The following C12orf42 variants were observed in gnomAD, a reference collection of about 807,000 sequenced individuals.
C12orf42 encodes the protein chromosome 12 open reading frame 42.
C12orf42 carries 25 observed loss-of-function variants against 21.6 expected under a neutral mutation model. That is an observed-to-expected ratio of 1.16 (90% CI 0.84 to 1.62). C12orf42 has a LOEUF of 1.62. Among genes scored for constraint, C12orf42 ranks in the 40% most tolerant of loss-of-function variants. C12orf42 has a pLI of 0.00. For synonymous variants in C12orf42, 174 were observed against 175.0 expected (o/e 0.99, Z 0.05); for missense variants, 483 against 459.3 (o/e 1.05, Z -0.47).
chr12:103,107,579 T>C, the C12orf42 span, among the ~76,000 whole-genome samples: 1 of 151,916 alleles, frequency 6.6e-6, no homozygotes, highest in African/African-American at 2.4e-5. Context: ...AGATAAGCAC[T>C]ACCTTTTAAA....
chr12:103,367,763 AT>A (rs1278143853), intron 4 of C12orf42, among the ~76,000 whole-genome samples: 1 of 151,962 alleles, frequency 6.6e-6, no homozygotes, highest in Non-Finnish European at 1.5e-5. Context: ...ATGTAAATGT[AT>A]TATCCCCCCC....
chr12:103,127,494 G>T, the C12orf42 span, among the ~76,000 whole-genome samples: 1 of 152,124 alleles, frequency 6.6e-6, no homozygotes, highest in Non-Finnish European at 1.5e-5. Flanking sequence ...AATGAAAATA[G>T]AAGTGTGTGT....
At chr12:103,426,078 C>G (rs571299466) in intron 2 of C12orf42, among the ~76,000 whole-genome samples, 1 of 152,296 alleles carries the variant, frequency 6.6e-6, no homozygotes, top group East Asian at 1.9e-4. Flanking sequence ...AACTCCTTGT[C>G]AGCAAGGGAA....
At chr12:103,416,771 C>G (rs1464551890) in intron 2 of C12orf42, among the ~76,000 whole-genome samples, 2 of 152,120 alleles carry the variant, frequency 1.3e-5, no homozygotes, top group Non-Finnish European at 2.9e-5. Context: ...TCTTTCAACT[C>G]AATGACCTTG....
At chr12:103,066,816 G>C in the C12orf42 span, among the ~76,000 whole-genome samples, 1,849 of 152,298 alleles carry the variant, frequency 0.012, 20 homozygotes, top group Non-Finnish European at 0.019. Context: ...TATCCCATGT[G>C]AGTTCTCACC....
chr12:103,475,623 A>G (rs188032869), intron 2 of C12orf42, among the ~76,000 whole-genome samples: 18 of 152,328 alleles, frequency 1.2e-4, no homozygotes, highest in Admixed American at 9.8e-4. Context: ...GCAAAGGAAG[A>G]TGTTCATTAG....
chr12:103,491,084 A>G (rs1240179563), intron 1 of C12orf42, among the ~76,000 whole-genome samples: 3 of 152,180 alleles, frequency 2.0e-5, no homozygotes, highest in Non-Finnish European at 4.4e-5. Context: ...TTAAATTTCT[A>G]TAATGTGGAA....
intron 2 of C12orf42, among the ~76,000 whole-genome samples, chr12:103,440,457 C>CAAAAAAAAAAAAAAAAAAAAAAAAAA: frequency 1.4e-5 from 1 of 69,666 alleles, no homozygotes; most frequent in Admixed American, 2.1e-4. Context: ...TCACAGATAC[C>CAAAAAAAAAAAAAAAAAAAAAAAAAA]AAAAAAAAAA....
At chr12:103,462,349 G>C (rs1952794479) in intron 2 of C12orf42, among the ~76,000 whole-genome samples, 1 of 151,804 alleles carries the variant, frequency 6.6e-6, no homozygotes, top group Non-Finnish European at 1.5e-5. Context: ...GACCTCAGGT[G>C]ATCCACCCAC....
At chr12:103,495,678 G>A (rs1221843764) in intron 1 of C12orf42, 2 of 151,986 alleles carry the variant, frequency 1.3e-5, no homozygotes, top group Non-Finnish European at 2.9e-5. Flanking sequence ...GGCGGGGGAG[G>A]AGAGCTCCTT....
the C12orf42 span, among the ~76,000 whole-genome samples, chr12:103,159,798 C>T: frequency 6.6e-6 from 1 of 152,182 alleles, no homozygotes. Context: ...ATCATCTCTC[C>T]AACTCTTTGA....
At chr12:103,511,995 A>G in the C12orf42 span, among the ~76,000 whole-genome samples, 2 of 152,184 alleles carry the variant, frequency 1.3e-5, no homozygotes, top group African/African-American at 4.8e-5. Flanking sequence ...CTCTCCCTAG[A>G]AGGCAGTTGG....
the C12orf42 span, among the ~76,000 whole-genome samples, chr12:103,217,761 A>C: frequency 1.1e-4 from 16 of 152,070 alleles, no homozygotes; most frequent in South Asian, 2.1e-4. Context: ...ATTCCTCTCT[A>C]TATATAGTTA....
chr12:103,506,989 AAATAT>A, the C12orf42 span, among the ~76,000 whole-genome samples: 1 of 1,692 alleles, frequency 5.9e-4, no homozygotes, highest in Non-Finnish European at 9.1e-4. Context: ...TATATTATAT[AAATAT>A]AATATATATA....
chr12:103,395,336 C>CTTT (rs35914185), intron 3 of C12orf42, among the ~76,000 whole-genome samples: 1 of 138,318 alleles, frequency 7.2e-6, no homozygotes, highest in African/African-American at 2.7e-5. Flanking sequence ...ACCCATTATT[C>CTTT]TTTTTTTTTT....
At chr12:103,537,468 C>T in the C12orf42 span, among the ~76,000 whole-genome samples, 4 of 152,146 alleles carry the variant, frequency 2.6e-5, no homozygotes, top group Admixed American at 6.5e-5. Flanking sequence ...AGCTGGCTGA[C>T]ACCAAGAAAG....
intron 10 of C12orf42, among the ~76,000 whole-genome samples, chr12:103,239,956 A>T (rs1329499302): frequency 6.6e-6 from 1 of 152,188 alleles, no homozygotes. Context: ...AGACTATATT[A>T]CCAGTAAACA....
chr12:103,186,647 A>C, the C12orf42 span, among the ~76,000 whole-genome samples: 1 of 152,176 alleles, frequency 6.6e-6, no homozygotes, highest in African/African-American at 2.4e-5. Flanking sequence ...GAAACATAAA[A>C]ATTTCATGAA....
chr12:103,228,924 A>T, the C12orf42 span, among the ~76,000 whole-genome samples: 1 of 150,690 alleles, frequency 6.6e-6, no homozygotes, highest in Non-Finnish European at 1.5e-5. Context: ...TATTTCTCTC[A>T]TCTTTTCCTC....
Sources: allele counts gnomAD v4.1 joint callset (sites outside exome capture counted in the v4.1 genomes callset), GRCh38; gene constraint gnomAD v4.1.1; transcripts MANE v1.5; gene names NCBI Gene and HGNC (gene_info 2026-07-23, HGNC 2026-07-21).